The following SLIT3 variants were observed in gnomAD, a reference collection of about 807,000 sequenced individuals.
SLIT3 encodes slit guidance ligand 3.
SLIT3 carries 68 observed loss-of-function variants against 184.0 expected under a neutral mutation model. The observed-to-expected ratio is 0.37, with a 90% CI of 0.30 to 0.45. The LOEUF is 0.45. Ranked by LOEUF, SLIT3 falls within the 20% of genes least tolerant of loss-of-function variation. SLIT3 has a pLI of 1.00. For missense variants in SLIT3, 1,707 were observed against 2,026.0 expected (o/e 0.84, Z 3.02); for synonymous variants, 831 against 828.6 (o/e 1.00, Z -0.05).
intron 5 of SLIT3, among the ~76,000 whole-genome samples, chr5:168,855,147 AAGC>A: frequency 6.6e-6 from 1 of 152,188 alleles, no homozygotes; most frequent in African/African-American, 2.4e-5. Flanking sequence ...GCTCAGTAAA[AAGC>A]CCTAGGATCA....
chr5:168,949,638 G>A (rs745461969), intron 4 of SLIT3, among the ~76,000 whole-genome samples: 15 of 151,990 alleles, frequency 9.9e-5, no homozygotes, highest in Non-Finnish European at 1.6e-4. Flanking sequence ...TCGCTGTGTC[G>A]CCCAGGCTAG....
chr5:168,789,237 C>T (rs1220039018), intron 11 of SLIT3, among the ~76,000 whole-genome samples: 2 of 36,776 alleles, frequency 5.4e-5, no homozygotes, highest in Admixed American at 4.0e-4. Context: ...AAAGATAGCG[C>T]TGCGGTGGCA....
At chr5:168,723,498 CTA>C (rs1490867893) in intron 21 of SLIT3, among the ~76,000 whole-genome samples, 3 of 152,246 alleles carry the variant, frequency 2.0e-5, no homozygotes, top group Admixed American at 2.0e-4. Context: ...AGTTACATGA[CTA>C]TTCATCCATT....
At position 168,844,597 on chromosome 5, in the gene SLIT3, C is replaced by A; in HGVS notation, c.544G>T (p.Asp182Tyr). ...IEDGAFRALRDLEILTLNNNN... is the reference protein window; with the variant it reads ...IEDGAFRALRYLEILTLNNNN... ...AAATCAACTCACAGGATCTCCAAATCGCGCAGCGCTCGGAAGGCTCCATCT... is the reference window on the plus strand; with the variant it reads ...AAATCAACTCACAGGATCTCCAAATAGCGCAGCGCTCGGAAGGCTCCATCT... The change falls in exon 6 of 36, where the codon GAT (aspartate) becomes TAT (tyrosine). Residue 182 changes from aspartate (D) to tyrosine (Y), a missense_variant. Physicochemically the swap from Asp to Tyr is radical, Grantham distance 160. Around this residue, in one of 3 missense-constraint regions of SLIT3, gnomAD observed 1,307 missense variants for 1,511.6 expected, o/e 0.86. Transcript: ENST00000519560. 6.2e-7 allele frequency: 1 copy of A among 1,614,190 alleles called. No homozygotes were observed. Among genetic ancestry groups the A allele is most frequent in the South Asian group, 1.1e-5 (1 of 91,090 alleles).
intron 4 of SLIT3, among the ~76,000 whole-genome samples, chr5:168,970,796 G>A (rs1158871561): frequency 6.6e-6 from 1 of 152,050 alleles, no homozygotes; most frequent in Non-Finnish European, 1.5e-5. Flanking sequence ...TCACTTCCTG[G>A]CTATGTTACC....
chr5:168,749,035 G>C (rs1045589749), intron 19 of SLIT3, among the ~76,000 whole-genome samples: 1 of 152,188 alleles, frequency 6.6e-6, no homozygotes, highest in African/African-American at 2.4e-5. Flanking sequence ...GTCTCATCAT[G>C]ATGCTGACAG....
intron 14 of SLIT3, among the ~76,000 whole-genome samples, chr5:168,766,644 A>G (rs1561921073): frequency 6.6e-6 from 1 of 152,218 alleles, no homozygotes; most frequent in Non-Finnish European, 1.5e-5. Flanking sequence ...GGGGCCAGTA[A>G]AGCACTGATG....
chr5:168,746,457 TGGTGGTGTGC>T lies in SLIT3; in HGVS notation c.2270+1835_2270+1844del, dbSNP rs1384769612. On this transcript the variant is annotated intron_variant, in intron 20 of 35. Transcript: ENST00000519560. The stretch of plus-strand genomic sequence containing the variant: ...GTGGTGGTGTGGGTGTGGCAGTGTG[TGGTGGTGTGC>T]GGTGGTGTGGGTGTGGTGGTGTGTG... Among the ~76,000 whole-genome samples, 110 of 64,224 alleles carry T rather than the reference TGGTGGTGTGC, an allele frequency of 1.7e-3. 2 individuals carry two copies. Among genetic ancestry groups the T allele is most frequent in the Non-Finnish European group, 2.8e-3 (94 of 33,720 alleles). The allele number at this position is 64,224 out of a possible 152,430, so 42.1% of individuals were successfully genotyped here.
At chr5:168,830,454 C>A (rs1447037026) in intron 6 of SLIT3, among the ~76,000 whole-genome samples, 1 of 152,166 alleles carries the variant, frequency 6.6e-6, no homozygotes, top group Non-Finnish European at 1.5e-5. Flanking sequence ...AAAACCTAAG[C>A]AGAATAGTAT....
chr5:168,811,003 C>G (rs1581106335), intron 8 of SLIT3, among the ~76,000 whole-genome samples: 1 of 152,130 alleles, frequency 6.6e-6, no homozygotes, highest in African/African-American at 2.4e-5. Context: ...GGACCTGCCT[C>G]CTGCCCAGCC....
chr5:168,808,227 A>G (rs1272259681), intron 8 of SLIT3, among the ~76,000 whole-genome samples: 1 of 151,964 alleles, frequency 6.6e-6, no homozygotes, highest in Non-Finnish European at 1.5e-5. Flanking sequence ...TCCTAGAGAG[A>G]GTGGTGATGC....
chr5:169,009,247 T>C (rs977529010), intron 4 of SLIT3, among the ~76,000 whole-genome samples: 2 of 152,216 alleles, frequency 1.3e-5, no homozygotes, highest in African/African-American at 4.8e-5. Context: ...CCCCTGCACC[T>C]TTAGAGACCA....
At chr5:168,762,063 C>T (rs1341875569) in intron 15 of SLIT3, among the ~76,000 whole-genome samples, 1 of 151,724 alleles carries the variant, frequency 6.6e-6, no homozygotes, top group East Asian at 1.9e-4. Context: ...GACCCACCAA[C>T]CATGGCCCAG....
intron 10 of SLIT3, among the ~76,000 whole-genome samples, chr5:168,794,893 T>A (rs914295916): frequency 1.3e-5 from 2 of 152,150 alleles, no homozygotes; most frequent in Non-Finnish European, 2.9e-5. Flanking sequence ...CACCTGCACA[T>A]AGAGACCTTC....
intron 4 of SLIT3, among the ~76,000 whole-genome samples, chr5:169,029,085 A>G (rs1435885221): frequency 1.3e-5 from 2 of 152,200 alleles, no homozygotes; most frequent in African/African-American, 4.8e-5. Context: ...GACTCCAGGA[A>G]GAAAACACCC....
At chr5:168,953,411 T>A (rs752496) in intron 4 of SLIT3, among the ~76,000 whole-genome samples, 73,094 of 151,972 alleles carry the variant, frequency 0.48, 18,757 homozygotes, top group African/African-American at 0.67. Flanking sequence ...GCTACTATGA[T>A]CATCCATTAC....
At chr5:169,269,372 C>T (rs1177666890) in intron 1 of SLIT3, among the ~76,000 whole-genome samples, 1 of 152,250 alleles carries the variant, frequency 6.6e-6, no homozygotes, top group Non-Finnish European at 1.5e-5. Context: ...CTCCTCCACT[C>T]TCTATGGTTC....
chr5:168,789,798 G>T, intron 10 of SLIT3, 167 bp from the exon 11 acceptor site: 1 of 586,702 alleles, frequency 1.7e-6, no homozygotes, highest in Non-Finnish European at 3.1e-6. Context: ...AGAGCCTTCA[G>T]TTCAACTACC....
intron 3 of SLIT3, among the ~76,000 whole-genome samples, chr5:169,231,515 GTGGTTA>G (rs1197072632): frequency 1.3e-5 from 2 of 152,176 alleles, no homozygotes; most frequent in Non-Finnish European, 2.9e-5. Flanking sequence ...GATTTACCAT[GTGGTTA>G]CAGACAGCAG....
Sources: allele counts gnomAD v4.1 joint callset (sites outside exome capture counted in the v4.1 genomes callset), GRCh38; gene constraint gnomAD v4.1.1; regional missense constraint gnomAD v4.1.1; transcripts MANE v1.5; gene names NCBI Gene and HGNC (gene_info 2026-07-23, HGNC 2026-07-21).